CDKL5: variants seen among roughly 807,000 people sequenced by gnomAD.
The protein encoded by CDKL5 is cyclin-dependent kinase-like 5.
Under a neutral mutation model 61.7 loss-of-function variants are expected in CDKL5, and 8 were observed. The observed-to-expected ratio is 0.13, with a 90% confidence interval of 0.08 to 0.23. The LOEUF (loss-of-function observed/expected upper bound fraction) is 0.23, where lower values mean the gene tolerates loss of function less well. Ranked by LOEUF, CDKL5 falls within the 10% of genes least tolerant of loss-of-function variation. The pLI, the probability that CDKL5 is intolerant of heterozygous loss-of-function variation, is 1.00. For missense variants in CDKL5, 440 were observed against 734.5 expected (o/e 0.60, Z 4.63); for synonymous variants, 275 against 272.3 (o/e 1.01, Z -0.10).
chrX:18,496,092 C>T (rs1454253291), intron 1 of CDKL5, among the ~76,000 whole-genome samples: 1 of 112,037 alleles, frequency 8.9e-6, no homozygotes, highest in Non-Finnish European at 1.9e-5. Context: ...AATGTTAAAA[C>T]CAAACTCTGT....
chrX:18,601,247 A>G (rs1926168421), intron 11 of CDKL5, among the ~76,000 whole-genome samples: 1 of 111,833 alleles, frequency 8.9e-6, no homozygotes, highest in African/African-American at 3.3e-5. Flanking sequence ...TCTGCCCACC[A>G]TGGACACGGT....
chrX:18,499,616 G>T (rs973980946), intron 1 of CDKL5, among the ~76,000 whole-genome samples: 1 of 111,021 alleles, frequency 9.0e-6, no homozygotes, highest in Non-Finnish European at 1.9e-5. Context: ...ACCCGCCTCG[G>T]CCTCGGCCTC....
chrX:18,530,441 G>A (rs949428476), intron 3 of CDKL5, among the ~76,000 whole-genome samples: 3 of 110,388 alleles, frequency 2.7e-5, no homozygotes, highest in East Asian at 5.6e-4. Context: ...TTGCTCAGCC[G>A]TGTCCAGTTT....
At chrX:18,577,523 C>T (rs2147141009) in intron 5 of CDKL5, among the ~76,000 whole-genome samples, 1 of 112,345 alleles carries the variant, frequency 8.9e-6, no homozygotes, top group Admixed American at 9.4e-5. Flanking sequence ...TTCACCCTCA[C>T]ATATAAATAC....
rs760328051 is a variant in CDKL5 at position 18,613,110 on chromosome X, A to AG, written c.2153-42_2153-41insG. 4.8e-5 allele frequency: 52 copies of AG among 1,078,011 alleles called. No homozygotes were observed. The African/African-American group carries it at 6.7e-4, about 14-fold the overall frequency. 88.8% of individuals were successfully genotyped at this position (1,078,011 alleles called of 1,213,427 possible). A position where few individuals can be genotyped will look rare whatever the true frequency, so the allele number is the denominator to read the frequency against. On this transcript the variant is annotated intron_variant, in intron 14 of 17. Transcript: ENST00000623535. ...ACTCTGTCTAAAAAAAAAAAAAAAA[A>AG]AAAAGAAAAGTCCATCAGTGACTTA...
chrX:18,445,541 C>T (rs1438149903), intron 1 of CDKL5, among the ~76,000 whole-genome samples: 1 of 112,075 alleles, frequency 8.9e-6, no homozygotes, highest in Non-Finnish European at 1.9e-5. Context: ...TACTTTGGCT[C>T]AGTATCTCCA....
intron 3 of CDKL5, among the ~76,000 whole-genome samples, chrX:18,547,543 A>C (rs1174998475): frequency 8.9e-6 from 1 of 112,359 alleles, no homozygotes; most frequent in Non-Finnish European, 1.9e-5. Flanking sequence ...TCAGGTTTAC[A>C]GTGTTCTTTG....
intron 1 of CDKL5, among the ~76,000 whole-genome samples, chrX:18,459,150 C>T (rs1368478189): frequency 8.9e-6 from 1 of 112,516 alleles, no homozygotes; most frequent in Non-Finnish European, 1.9e-5. Flanking sequence ...CTTTATTCAA[C>T]GTGTATCCTG....
chrX:18,617,599 C>T (rs1379985200), intron 15 of CDKL5, among the ~76,000 whole-genome samples: 1 of 112,168 alleles, frequency 8.9e-6, no homozygotes, highest in Non-Finnish European at 1.9e-5. Flanking sequence ...CTGAGTCACT[C>T]TGTCAGCCTT....
chrX:18,650,714 G>T, intron 21 of CDKL5: 1 of 822,956 alleles, frequency 1.2e-6, no homozygotes, highest in Non-Finnish European at 1.8e-6. Flanking sequence ...ATTGGCCTGG[G>T]CATGGGGACA....
At chrX:18,465,075 A>G (rs954195036) in intron 1 of CDKL5, among the ~76,000 whole-genome samples, 1 of 111,531 alleles carries the variant, frequency 9.0e-6, no homozygotes. Context: ...TAGGTCTGTA[A>G]TCCACCTGAA....
intron 3 of CDKL5, among the ~76,000 whole-genome samples, chrX:18,524,650 T>G (rs1050700855): frequency 1.2e-4 from 14 of 112,313 alleles, no homozygotes; most frequent in Admixed American, 1.2e-3. Flanking sequence ...GGACAGTCCT[T>G]TTGGTGTTAC....
chrX:18,608,483 C>T (rs535763240), intron 12 of CDKL5, among the ~76,000 whole-genome samples: 1 of 111,487 alleles, frequency 9.0e-6, no homozygotes, highest in South Asian at 3.8e-4. Context: ...TAATAGAATT[C>T]CTAATCAGAG....
Position 18,628,392 on chromosome X carries a change from C to T in CDKL5, c.2518C>T (p.Arg840Cys). The T allele has an allele frequency of 8.3e-7, 1 of 1,211,325 alleles. No homozygotes were observed. Among genetic ancestry groups the T allele is most frequent in the African/African-American group, 1.7e-5 (1 of 57,820 alleles). ...TCAGAGCCAGCCATTAAAATCACTG[C>T]GCAAGTTGTTACATCTCTCTTCGGC... ...QTQSQPLKSL[R>C]KLLHLSSASN... The change falls in exon 18 of 18, where the codon CGC becomes TGC. Residue 840 changes from arginine (R) to cysteine (C), a missense_variant. Physicochemically the swap from Arg to Cys is radical, Grantham distance 180. Around this residue, in one of 2 missense-constraint regions of CDKL5, gnomAD observed 363 missense variants for 516.3 expected, o/e 0.70. Coordinates refer to ENST00000623535, the MANE Select transcript of CDKL5 (RefSeq NM_001323289.2).
chrX:18,572,871 G>GC (rs1177619355), intron 4 of CDKL5, among the ~76,000 whole-genome samples: 1 of 111,945 alleles, frequency 8.9e-6, no homozygotes, highest in Non-Finnish European at 1.9e-5. Flanking sequence ...AGGGATGGCT[G>GC]CATAGATTGC....
intron 1 of CDKL5, among the ~76,000 whole-genome samples, chrX:18,439,044 T>TTC (rs1569182824): frequency 3.5e-4 from 4 of 11,512 alleles, no homozygotes; most frequent in African/African-American, 5.4e-4. Flanking sequence ...TGCCCCTTTT[T>TTC]GCCCCCCCCC....
intron 3 of CDKL5, among the ~76,000 whole-genome samples, chrX:18,526,235 G>A (rs1034711754): frequency 3.7e-4 from 42 of 112,144 alleles, no homozygotes; most frequent in Middle Eastern, 4.6e-3. Flanking sequence ...TCAAATTCTA[G>A]TTGTTCTTTG....
chrX:18,444,969 G>A (rs1931839328), intron 1 of CDKL5, among the ~76,000 whole-genome samples: 1 of 111,426 alleles, frequency 9.0e-6, no homozygotes, highest in African/African-American at 3.3e-5. Flanking sequence ...CGTCTAGAGA[G>A]GTTTTGGTCT....
chrX:18,456,162 C>T (rs1038625000), intron 1 of CDKL5, among the ~76,000 whole-genome samples: 12 of 109,592 alleles, frequency 1.1e-4, no homozygotes, highest in Admixed American at 2.0e-4. Context: ...GCCACAGCCT[C>T]CTGAGTAGCT....
Sources: gnomAD v4.1 joint callset for allele counts (sites outside exome capture counted in the v4.1 genomes callset) on GRCh38, gnomAD v4.1.1 for gene constraint, gnomAD v4.1.1 regional missense constraint, MANE v1.5 for transcripts, NCBI Gene and HGNC (gene_info 2026-07-23, HGNC 2026-07-21) for gene names.